EGLN1: variants seen among roughly 807,000 people sequenced by gnomAD.
EGLN1 encodes egl-9 family hypoxia inducible factor 1.
A neutral mutation model predicts 38.3 loss-of-function variants in EGLN1; 17 were observed. That is an observed-to-expected ratio of 0.44 (90% CI 0.30 to 0.67). The LOEUF (loss-of-function observed/expected upper bound fraction) is 0.67, where lower values mean the gene tolerates loss of function less well. EGLN1 is among the 30% of genes least tolerant of loss of function. The pLI, the probability that EGLN1 is intolerant of heterozygous loss-of-function variation, is 0.08. For missense variants in EGLN1, 477 were observed against 603.3 expected (o/e 0.79, Z 2.19); for synonymous variants, 283 against 257.5 (o/e 1.10, Z -0.95).
chr1:231,367,083 G>A lies in EGLN1; in HGVS notation c.1216+486C>T, dbSNP rs558309995. Among the ~76,000 whole-genome samples the A allele has an allele frequency of 6.6e-5, 10 of 152,300 alleles. No homozygotes were observed. In the South Asian group the frequency reaches 2.1e-3, roughly 32 times the overall value. On this transcript the variant is annotated intron_variant, in intron 4 of 4. Coordinates refer to ENST00000366641, the MANE Select transcript of EGLN1 (RefSeq NM_022051.3). The stretch of plus-strand genomic sequence containing the variant: ...TGCTGACCTATGTACACCATTAGCA[G>A]ATATGGAATCTACATGTCTGTGTCA...
intron 1 of EGLN1, among the ~76,000 whole-genome samples, chr1:231,385,546 T>C (rs905247739): frequency 3.9e-5 from 6 of 152,058 alleles, no homozygotes; most frequent in Non-Finnish European, 7.4e-5. Context: ...CAAACAAGGG[T>C]GAACCTGACG....
At chr1:231,391,232 T>G (rs1460209337) in intron 1 of EGLN1, among the ~76,000 whole-genome samples, 1 of 151,248 alleles carries the variant, frequency 6.6e-6, no homozygotes, top group Non-Finnish European at 1.5e-5. Flanking sequence ...ATTACAGGTG[T>G]GAGCCACCAT....
At chr1:231,395,377 A>G (rs1477944251) in intron 1 of EGLN1, among the ~76,000 whole-genome samples, 1 of 151,768 alleles carries the variant, frequency 6.6e-6, no homozygotes, top group Non-Finnish European at 1.5e-5. Context: ...CAAAAGAAGT[A>G]TCTAACAACT....
chr1:231,383,165 C>T (rs893788153), intron 1 of EGLN1, among the ~76,000 whole-genome samples: 1 of 150,668 alleles, frequency 6.6e-6, no homozygotes. Flanking sequence ...GTGCTTGCTT[C>T]CTAATAAATT....
intron 1 of EGLN1, among the ~76,000 whole-genome samples, chr1:231,391,199 T>A (rs1303028370): frequency 2.1e-5 from 1 of 47,738 alleles, no homozygotes; most frequent in African/African-American, 4.4e-5. Context: ...GATCCTCCCA[T>A]CTTGGCCTCC....
intron 1 of EGLN1, among the ~76,000 whole-genome samples, chr1:231,406,757 T>C (rs757356170): frequency 6.6e-6 from 1 of 152,040 alleles, no homozygotes; most frequent in East Asian, 1.9e-4. Context: ...GTGTACTATG[T>C]TCATTTTGAG....
chr1:231,385,378 G>T (rs186980708), intron 1 of EGLN1, among the ~76,000 whole-genome samples: 20 of 152,180 alleles, frequency 1.3e-4, no homozygotes, highest in Non-Finnish European at 2.6e-4. Context: ...CAGTCCATGC[G>T]CTGACTACTT....
chr1:231,395,146 CTTCT>C (rs1027176336), intron 1 of EGLN1, among the ~76,000 whole-genome samples: 10 of 152,294 alleles, frequency 6.6e-5, no homozygotes, highest in Non-Finnish European at 1.0e-4. Context: ...ACATTTGTTG[CTTCT>C]TTATCAGCTG....
chr1:231,369,723 C>A, intron 3 of EGLN1: 3 of 395,646 alleles, frequency 7.6e-6, no homozygotes, highest in Non-Finnish European at 1.0e-5. Flanking sequence ...CGCATCTAAG[C>A]CTGTGCCTCT....
chr1:231,419,377 T>C (rs1428133496), intron 1 of EGLN1, among the ~76,000 whole-genome samples: 1 of 152,212 alleles, frequency 6.6e-6, no homozygotes, highest in African/African-American at 2.4e-5. Flanking sequence ...CTTGGAAAGC[T>C]AAATTAACTA....
intron 1 of EGLN1, among the ~76,000 whole-genome samples, chr1:231,391,319 T>A (rs953690125): frequency 6.6e-6 from 1 of 152,004 alleles, no homozygotes; most frequent in African/African-American, 2.4e-5. Context: ...TATACATCCA[T>A]AAGGCAGTGC....
intron 1 of EGLN1, among the ~76,000 whole-genome samples, chr1:231,376,726 T>C (rs1446460219): frequency 6.6e-6 from 1 of 152,140 alleles, no homozygotes; most frequent in Non-Finnish European, 1.5e-5. Context: ...TTTCTTAAGA[T>C]ATGAAAAAAA....
chr1:231,392,415 ATTAT>A (rs1016347235), intron 1 of EGLN1, among the ~76,000 whole-genome samples: 3 of 152,232 alleles, frequency 2.0e-5, no homozygotes, highest in African/African-American at 7.2e-5. Flanking sequence ...CATATTAACA[ATTAT>A]TTATTAAGCA....
At chr1:231,394,138 C>A (rs1308602227) in intron 1 of EGLN1, among the ~76,000 whole-genome samples, 2 of 152,132 alleles carry the variant, frequency 1.3e-5, no homozygotes, top group African/African-American at 2.4e-5. Flanking sequence ...CCTCAAGCTG[C>A]AAATCAACAA....
intron 4 of EGLN1, among the ~76,000 whole-genome samples, chr1:231,366,955 C>CTA (rs1687665053): frequency 6.6e-6 from 1 of 152,136 alleles, no homozygotes; most frequent in South Asian, 2.1e-4. Context: ...GGTAAGTGGT[C>CTA]CATCAGATGG....
intron 2 of EGLN1, 47 bp from the exon 3 acceptor site, chr1:231,370,745 C>T (rs1404529807): frequency 1.9e-6 from 3 of 1,606,720 alleles, no homozygotes; most frequent in South Asian, 1.1e-5. Flanking sequence ...AAAAATGCTA[C>T]AAGATTAAAT....
chr1:231,412,330 T>C (rs1688975536), intron 1 of EGLN1, among the ~76,000 whole-genome samples: 1 of 152,234 alleles, frequency 6.6e-6, no homozygotes, highest in East Asian at 1.9e-4. Flanking sequence ...TTCTTCCCAA[T>C]TTTCTGTAAC....
intron 1 of EGLN1, among the ~76,000 whole-genome samples, chr1:231,399,488 G>A (rs1002255824): frequency 6.6e-6 from 1 of 152,122 alleles, no homozygotes; most frequent in Admixed American, 6.6e-5. Context: ...GAGAAGAAAG[G>A]AAACCAGCAA....
chr1:231,417,945 T>C (rs1689127306), intron 1 of EGLN1, among the ~76,000 whole-genome samples: 1 of 152,184 alleles, frequency 6.6e-6, no homozygotes, highest in Non-Finnish European at 1.5e-5. Flanking sequence ...TAAGTCCTAA[T>C]ATGCTGCAGA....
Sources: gnomAD v4.1 joint callset for allele counts (sites outside exome capture counted in the v4.1 genomes callset) on GRCh38, gnomAD v4.1.1 for gene constraint, MANE v1.5 for transcripts, NCBI Gene and HGNC (gene_info 2026-07-23, HGNC 2026-07-21) for gene names.